EYS: variants seen among roughly 807,000 people sequenced by gnomAD.
The protein encoded by EYS is protein eyes shut homolog.
Under a neutral mutation model 282.1 loss-of-function variants are expected in EYS, and 250 were observed. The observed-to-expected ratio is 0.89, with a 90% CI of 0.80 to 0.98. The LOEUF is 0.98. Among genes scored for constraint, EYS ranks in the 50% least tolerant of loss-of-function variants. The pLI, the probability that EYS is intolerant of heterozygous loss-of-function variation, is 0.00. For synonymous variants in EYS, 1,355 were observed against 1,282.9 expected, an observed-to-expected ratio of 1.06 and a Z score of -1.20; for missense variants, 4,016 against 3,709.0, an observed-to-expected ratio of 1.08 and a Z score of -2.15.
At chr6:64,416,518 C>CTTTTTTTTTTTTTT (rs371267333) in intron 28 of EYS, among the ~76,000 whole-genome samples, 1 of 139,826 alleles carries the variant, frequency 7.2e-6, no homozygotes. Context: ...GCCGTTAGGT[C>CTTTTTTTTTTTTTT]TTTTTTTTTT....
At position 63,809,996 on chromosome 6, in the gene EYS, C is replaced by T. The variant is rs181833225; in HGVS notation, c.7229-3624G>A. 3.6e-4 allele frequency among the ~76,000 whole-genome samples: 55 copies of T among 151,262 alleles called. No homozygotes were observed. In the East Asian group the frequency reaches 0.01, roughly 28 times the overall value. ...GTGGCTCATGCCTGTAATCCCAGCA[C>T]TTTGGGAGGCCGAGGCGGGTGGATC... On this transcript the variant is annotated intron_variant, in intron 36 of 42. Coordinates refer to ENST00000503581, the MANE Select transcript of EYS (RefSeq NM_001142800.2).
At chr6:64,791,713 A>G (rs1379556298) in intron 22 of EYS, among the ~76,000 whole-genome samples, 1 of 151,834 alleles carries the variant, frequency 6.6e-6, no homozygotes, top group Non-Finnish European at 1.5e-5. Flanking sequence ...TAAACTAATA[A>G]ATACTAATTG....
In EYS at chr6:65,363,086, C is replaced by A. The variant is rs1764776809; in HGVS notation, c.1300-9469G>T. On this transcript the variant is annotated intron_variant, in intron 8 of 42. Coordinates refer to ENST00000503581, the MANE Select transcript of EYS (RefSeq NM_001142800.2). ...CACCTTTGTAGTTGTCTCTCACATACTACATAGACTTGCATGCCAAATGTC... is the reference window on the plus strand; with the variant it reads ...CACCTTTGTAGTTGTCTCTCACATAATACATAGACTTGCATGCCAAATGTC... Among the ~76,000 whole-genome samples, 3 of 151,950 alleles carry A rather than the reference C, an allele frequency of 2.0e-5. No individual in the cohort carries two copies. In the East Asian group the frequency reaches 5.8e-4, roughly 29 times the overall value.
At chr6:64,249,229 G>T (rs1767126536) in intron 30 of EYS, among the ~76,000 whole-genome samples, 1 of 152,036 alleles carries the variant, frequency 6.6e-6, no homozygotes, top group Non-Finnish European at 1.5e-5. Flanking sequence ...GTCTTTTGCA[G>T]CAACATGAAA....
chr6:64,436,798 T>A (rs1219679310), intron 27 of EYS, among the ~76,000 whole-genome samples: 1 of 151,854 alleles, frequency 6.6e-6, no homozygotes, highest in Non-Finnish European at 1.5e-5. Context: ...AAATCATGTC[T>A]ATATCAGGTA....
chr6:64,842,767 A>G (rs1424491305), intron 19 of EYS, among the ~76,000 whole-genome samples: 2 of 152,060 alleles, frequency 1.3e-5, no homozygotes, highest in Admixed American at 6.6e-5. Flanking sequence ...TATCTGATGG[A>G]AGAAAATTCT....
chr6:64,036,594 G>A (rs1042480642), intron 33 of EYS, among the ~76,000 whole-genome samples: 1 of 152,172 alleles, frequency 6.6e-6, no homozygotes, highest in Non-Finnish European at 1.5e-5. Context: ...GGTGAACAAT[G>A]AGGGCATAAA....
chr6:64,136,567 G>T (rs1190909417), intron 31 of EYS, among the ~76,000 whole-genome samples: 1 of 152,004 alleles, frequency 6.6e-6, no homozygotes. Flanking sequence ...TTAATCCAAT[G>T]ACTGCAGAAT....
At chr6:64,918,299 A>T (rs544358279) in intron 15 of EYS, among the ~76,000 whole-genome samples, 2 of 152,288 alleles carry the variant, frequency 1.3e-5, no homozygotes, top group African/African-American at 4.8e-5. Flanking sequence ...ATATGAGAAG[A>T]TTGATATGGG....
chr6:65,490,668 T>A lies in EYS; in HGVS notation c.788A>T (p.His263Leu). 6.2e-7 allele frequency: 1 copy of A among 1,612,948 alleles called. No individual in the cohort carries two copies. The highest frequency in any genetic ancestry group is 8.5e-7 in the Non-Finnish European group (1 of 1,179,240). ...GCTGCAGTTTCCATGGAAACAGACA[T>A]GTGGTTGACACTGGCCAATTATTTC... ...CSEIIGQCQPHVCFHGNCSNI... is the reference protein window; with the variant it reads ...CSEIIGQCQPLVCFHGNCSNI... The change falls in exon 5 of 43, where the codon CAT becomes CTT. Residue 263 changes from histidine (H) to leucine (L), a missense_variant. By Grantham distance (99) the His-to-Leu change is moderately conservative. Transcript: ENST00000503581.
chr6:64,964,402 T>A (rs1008499837), intron 14 of EYS, among the ~76,000 whole-genome samples: 26 of 152,196 alleles, frequency 1.7e-4, no homozygotes, highest in African/African-American at 5.8e-4. Context: ...TGATTTTATT[T>A]AATTATTAGA....
chr6:64,305,903 G>T (rs1582569237), intron 30 of EYS, among the ~76,000 whole-genome samples: 1 of 152,020 alleles, frequency 6.6e-6, no homozygotes, highest in South Asian at 2.1e-4. Context: ...AAACTAAAAA[G>T]AAATTGTGCA....
At chr6:65,103,390 C>CA (rs1252682862) in intron 12 of EYS, among the ~76,000 whole-genome samples, 1 of 151,422 alleles carries the variant, frequency 6.6e-6, no homozygotes, top group Non-Finnish European at 1.5e-5. Flanking sequence ...TTTTACCTAA[C>CA]ATCCAATAGA....
chr6:65,428,015 C>T (rs13216421), intron 5 of EYS, among the ~76,000 whole-genome samples: 29,171 of 151,626 alleles, frequency 0.19, 2,962 homozygotes, highest in South Asian at 0.34. Flanking sequence ...AATATTAACA[C>T]GTTATACATA....
At chr6:65,491,189 C>T (rs1345263317) in intron 4 of EYS, among the ~76,000 whole-genome samples, 34 of 151,774 alleles carry the variant, frequency 2.2e-4, no homozygotes, top group Admixed American at 2.2e-3. Context: ...CCAAATTCAA[C>T]ACTTCTTTGC....
At chr6:64,499,118 C>A (rs1308993789) in intron 26 of EYS, among the ~76,000 whole-genome samples, 1 of 152,164 alleles carries the variant, frequency 6.6e-6, no homozygotes, top group Admixed American at 6.5e-5. Flanking sequence ...TCTTTGCCAG[C>A]ATCTGTTATT....
At chr6:65,140,123 C>T (rs182551913) in intron 12 of EYS, among the ~76,000 whole-genome samples, 16 of 151,534 alleles carry the variant, frequency 1.1e-4, no homozygotes, top group East Asian at 7.8e-4. Context: ...AATCCTTCAA[C>T]GAGCAATTAT....
intron 22 of EYS, among the ~76,000 whole-genome samples, chr6:64,766,685 A>ATATATATAT (rs1773363223): frequency 1.0e-4 from 5 of 48,294 alleles, no homozygotes; most frequent in South Asian, 8.3e-4. Context: ...TATATATATA[A>ATATATATAT]AATCTAACAA....
chr6:65,417,714 T>G, intron 5 of EYS, among the ~76,000 whole-genome samples: 1 of 152,148 alleles, frequency 6.6e-6, no homozygotes, highest in East Asian at 1.9e-4. Context: ...GCCCTTTATA[T>G]GTAATAATGC....
Sources: allele counts gnomAD v4.1 joint callset (sites outside exome capture counted in the v4.1 genomes callset), GRCh38; gene constraint gnomAD v4.1.1; transcripts MANE v1.5; gene names NCBI Gene and HGNC (gene_info 2026-07-23, HGNC 2026-07-21).